Variants in KLF16 observed in about 807,000 individuals in gnomAD.
KLF16 encodes Krueppel-like factor 16.
Under a neutral mutation model 6.1 loss-of-function variants are expected in KLF16, and 6 were observed. The observed-to-expected ratio is 0.98, with a 90% confidence interval of 0.54 to 1.93. The LOEUF (loss-of-function observed/expected upper bound fraction) is 1.93, where lower values mean the gene tolerates loss of function less well. Ranked by LOEUF, KLF16 falls within the 30% of genes most tolerant of loss-of-function variation. The probability of loss-of-function intolerance (pLI) is 0.01; values close to 1 mark genes in which losing one functional copy is unlikely to be tolerated. For synonymous variants in KLF16, 211 were observed against 176.5 expected (o/e 1.20, Z -1.55); for missense variants, 355 against 363.8 (o/e 0.98, Z 0.20).
At chr19:1,867,025 C>T (rs938744874), upstream of KLF16, among the ~76,000 whole-genome samples, 2 of 152,210 alleles carry the variant, frequency 1.3e-5, no homozygotes, top group Admixed American at 6.5e-5. Context: ...AAAGATGGAC[C>T]TCCCAAGCCT....
At position 1,858,408 on chromosome 19, in the gene KLF16, CTCTG is replaced by C. The variant is rs917088311; in HGVS notation, c.458-3652_458-3649del. ...CCCCCCAAGCACCCTTGGTCAGCTT[CTCTG>C]TCTTTGTACCAGGCTTCCAAAAACG... On this transcript the variant is annotated intron_variant, in intron 1 of 1. Transcript: ENST00000250916. 1.8e-4 allele frequency among the ~76,000 whole-genome samples: 28 copies of C among 152,344 alleles called. No homozygotes were observed. In the South Asian group the frequency reaches 5.4e-3, roughly 29 times the overall value.
chr19:1,870,805 G>A, the KLF16 span, among the ~76,000 whole-genome samples: 2 of 152,206 alleles, frequency 1.3e-5, no homozygotes, highest in Admixed American at 6.5e-5. Flanking sequence ...AGACCAGCTT[G>A]GCCAACATGG....
rs2011976052 is a variant in KLF16 at position 1,857,395 on chromosome 19, G to C, written c.458-2635C>G. On this transcript the variant is annotated intron_variant, in intron 1 of 1. Transcript: ENST00000250916. This position sits in a 1 kb window ranked among gnomAD's most constrained non-coding sequence, Gnocchi z 4.7. The stretch of plus-strand genomic sequence containing the variant: ...ACCTGGCCGAGACGCAGCGCCCTGA[G>C]GATGCGGTGGGTGGGGACAACGCGG... Among the ~76,000 whole-genome samples, 1 of 152,264 alleles carries C rather than the reference G, an allele frequency of 6.6e-6. No homozygotes were observed. The highest frequency in any genetic ancestry group is 6.5e-5 in the Admixed American group (1 of 15,292).
intron 1 of KLF16, chr19:1,862,757 G>A (rs2012093778): frequency 1.4e-5 from 5 of 369,008 alleles, no homozygotes; most frequent in Middle Eastern, 1.4e-3. Flanking sequence ...AAGGGAGAGA[G>A]GTGGTCTGCC....
At position 1,854,123 on chromosome 19, in the gene KLF16, C is replaced by T. The variant is rs148718674; in HGVS notation, c.*336G>A. The T allele has an allele frequency of 1.1e-5, 3 of 277,822 alleles. No individual in the cohort carries two copies. The highest frequency in any genetic ancestry group is 2.0e-5 in the Non-Finnish European group (3 of 150,502). The allele number at this position is 277,822 out of a possible 1,614,324, so 17.2% of individuals were successfully genotyped here. ...GCTCCCAGAAGTCCACTCCACCCCC[C>T]CAAACCCCACCCCGGGAGGGGGGCA... On this transcript the variant is annotated 3_prime_UTR_variant, in exon 2 of 2. Coordinates refer to ENST00000250916, the MANE Select transcript of KLF16 (RefSeq NM_031918.4).
At chr19:1,876,035 GGAGT>G in the KLF16 span, 2 of 152,300 alleles carry the variant, frequency 1.3e-5, no homozygotes, top group Non-Finnish European at 2.9e-5. Context: ...GCCGAGGGAA[GGAGT>G]GAGAGCGGCC....
the KLF16 span, among the ~76,000 whole-genome samples, chr19:1,871,919 G>A: frequency 6.6e-6 from 1 of 152,134 alleles, no homozygotes; most frequent in African/African-American, 2.4e-5. Context: ...GGCAGGATCC[G>A]GCTGGCATTT....
At chr19:1,864,380 C>T (rs1026628026), upstream of KLF16, among the ~76,000 whole-genome samples, 5 of 152,222 alleles carry the variant, frequency 3.3e-5, no homozygotes, top group African/African-American at 1.2e-4. Flanking sequence ...GCTCACAGAG[C>T]CCCTCGGAGC....
At chr19:1,866,951 G>T (rs1301878576), upstream of KLF16, among the ~76,000 whole-genome samples, 1 of 152,062 alleles carries the variant, frequency 6.6e-6, no homozygotes, top group South Asian at 2.1e-4. Flanking sequence ...TATAAATGGG[G>T]GCTCACCTCT....
At chr19:1,865,702 A>G (rs550119539), upstream of KLF16, among the ~76,000 whole-genome samples, 2 of 152,290 alleles carry the variant, frequency 1.3e-5, no homozygotes, top group African/African-American at 4.8e-5. Flanking sequence ...CACAGGCAGG[A>G]GACCCCAGGT....
the KLF16 span, among the ~76,000 whole-genome samples, chr19:1,872,716 C>T: frequency 3.3e-5 from 5 of 151,672 alleles, no homozygotes; most frequent in East Asian, 7.8e-4. Flanking sequence ...GGCTGGGAGA[C>T]GCCGAGTGCC....
chr19:1,871,436 CT>C, the KLF16 span, among the ~76,000 whole-genome samples: 8 of 152,198 alleles, frequency 5.3e-5, no homozygotes, highest in Non-Finnish European at 8.8e-5. Flanking sequence ...ACCCTGACCT[CT>C]CCCGGTGATC....
chr19:1,863,429 G>A lies in KLF16; in HGVS notation c.69C>T (p.Ala23=). The A allele has an allele frequency of 5.9e-6, 6 of 1,024,408 alleles. No individual in the cohort carries two copies. Among genetic ancestry groups the A allele is most frequent in the Non-Finnish European group, 7.0e-6 (6 of 854,864 alleles). 63.5% of individuals were successfully genotyped at this position (1,024,408 alleles called of 1,614,324 possible). ...ADVLMAISSG[A]VVHRGRPGPE... ...GGCCGGGCCGCCCGCGGTGCACCAC[G>A]GCGCCCGAAGAGATGGCCATGAGCA... The change falls in exon 1 of 2, where the codon GCC becomes GCT. Residue 23 remains alanine (A), a synonymous_variant. Coordinates refer to ENST00000250916, the MANE Select transcript of KLF16 (RefSeq NM_031918.4).
At chr19:1,873,155 C>A in the KLF16 span, among the ~76,000 whole-genome samples, 1 of 152,180 alleles carries the variant, frequency 6.6e-6, no homozygotes, top group Non-Finnish European at 1.5e-5. Context: ...AGAACAGAGC[C>A]AGCCGGGTGG....
upstream of KLF16, among the ~76,000 whole-genome samples, chr19:1,867,964 G>A (rs1043339723): frequency 4.6e-5 from 7 of 150,732 alleles, no homozygotes; most frequent in East Asian, 3.9e-4. Flanking sequence ...GTGTGTGTGC[G>A]TGCGCGCATG....
At chr19:1,868,678 C>T in the KLF16 span, among the ~76,000 whole-genome samples, 1 of 145,068 alleles carries the variant, frequency 6.9e-6, no homozygotes, top group Non-Finnish European at 1.5e-5. Context: ...GAGTTTCGCT[C>T]TTGTTGTCCA....
At chr19:1,855,076 G>A (rs116486322) in intron 1 of KLF16, among the ~76,000 whole-genome samples, 6,866 of 152,222 alleles carry the variant, frequency 0.045, 490 homozygotes, top group African/African-American at 0.16. Flanking sequence ...CCAGGCCCTC[G>A]CAGCCTCTGG....
At chr19:1,869,893 G>A in the KLF16 span, among the ~76,000 whole-genome samples, 18 of 151,066 alleles carry the variant, frequency 1.2e-4, no homozygotes, top group South Asian at 2.1e-3. Context: ...GACTACAGGC[G>A]TGAGCCACCA....
At chr19:1,861,851 C>T (rs941733918) in intron 1 of KLF16, 1 of 152,378 alleles carries the variant, frequency 6.6e-6, no homozygotes, top group African/African-American at 2.4e-5. Context: ...TCATCTCAGC[C>T]CCACCACTCT....
Sources: allele counts gnomAD v4.1 joint callset (sites outside exome capture counted in the v4.1 genomes callset), GRCh38; gene constraint gnomAD v4.1.1; non-coding constraint Gnocchi (gnomAD v3.1); transcripts MANE v1.5; gene names NCBI Gene and HGNC (gene_info 2026-07-23, HGNC 2026-07-21).